The following CABLES1 variants were observed in gnomAD, a reference collection of about 807,000 sequenced individuals.
The protein encoded by CABLES1 is Cdk5 and Abl enzyme substrate 1.
A neutral mutation model predicts 57.8 loss-of-function variants in CABLES1; 36 were observed. The ratio of observed to expected loss-of-function variants is 0.62; its 90% CI spans 0.48 to 0.82. The LOEUF (loss-of-function observed/expected upper bound fraction) is 0.82, where lower values mean the gene tolerates loss of function less well. Among genes scored for constraint, CABLES1 ranks in the 40% least tolerant of loss-of-function variants. CABLES1 has a pLI of 0.00. For missense variants in CABLES1, 767 were observed against 836.6 expected, an observed-to-expected ratio of 0.92 and a Z score of 1.03; for synonymous variants, 374 against 363.0, an observed-to-expected ratio of 1.03 and a Z score of -0.35.
intron 6 of CABLES1, among the ~76,000 whole-genome samples, chr18:23,236,271 C>T (rs931197082): frequency 2.0e-5 from 3 of 152,190 alleles, no homozygotes; most frequent in Non-Finnish European, 4.4e-5. Context: ...TGAGCTTCCA[C>T]GTGGAGAGAC....
At chr18:23,147,902 A>G (rs2046902602) in intron 1 of CABLES1, among the ~76,000 whole-genome samples, 1 of 148,466 alleles carries the variant, frequency 6.7e-6, no homozygotes, top group Non-Finnish European at 1.5e-5. Flanking sequence ...AGACAATTTG[A>G]GAAGACCCAA....
At chr18:23,184,308 C>CGTGTGTGTGTGTGTGTGTGT (rs61158856) in intron 1 of CABLES1, among the ~76,000 whole-genome samples, 5 of 146,326 alleles carry the variant, frequency 3.4e-5, no homozygotes, top group African/African-American at 1.3e-4. Context: ...CATACTGGCA[C>CGTGTGTGTGTGTGTGTGTGT]GTGTGTGTGT....
rs748460412 is a variant in CABLES1 at position 23,136,521 on chromosome 18, C to T, written c.759C>T (p.Ser253=). The part of the protein sequence containing the change: ...FTQGILPIAF[S]RPTSQNYCSL... ...AGGGAATCCTGCCCATCGCCTTCTC[C>T]AGGCCGACTTCGCAGAACTACTGCT... Residue 253 remains serine (S), a synonymous_variant, in exon 1 of 10, where the codon TCC becomes TCT. Coordinates refer to ENST00000256925, the MANE Select transcript of CABLES1 (RefSeq NM_001100619.3). The T allele has an allele frequency of 1.6e-5, 25 of 1,591,572 alleles. No individual in the cohort carries two copies. In the Admixed American group the frequency reaches 1.7e-4, roughly 11 times the overall value.
At chr18:23,147,647 C>T (rs4800452) in intron 1 of CABLES1, among the ~76,000 whole-genome samples, 111,975 of 152,196 alleles carry the variant, frequency 0.74, 41,659 homozygotes, top group South Asian at 0.81. Context: ...CAGAGAGAAA[C>T]AGTACCCCTC....
intron 1 of CABLES1, among the ~76,000 whole-genome samples, chr18:23,174,260 T>C (rs80349711): frequency 0.028 from 4,288 of 152,298 alleles, 106 homozygotes; most frequent in Middle Eastern, 0.095. Context: ...GTTTTCAAGG[T>C]TCATGTTGTA....
At chr18:23,187,660 T>G (rs2047212720) in intron 1 of CABLES1, among the ~76,000 whole-genome samples, 1 of 152,216 alleles carries the variant, frequency 6.6e-6, no homozygotes, top group Non-Finnish European at 1.5e-5. Context: ...GTGCTGGGAT[T>G]ACAGGCGTGA....
rs79799360 is a variant in CABLES1 at position 23,249,219 on chromosome 18, T to C, written c.1447-3741T>C. 9.6e-3 allele frequency among the ~76,000 whole-genome samples: 1,458 copies of C among 152,348 alleles called. 29 individuals are homozygous for C. The highest frequency in any genetic ancestry group is 0.033 in the African/African-American group (1,391 of 41,578). On this transcript the variant is annotated intron_variant, in intron 7 of 9. Coordinates refer to ENST00000256925, the MANE Select transcript of CABLES1 (RefSeq NM_001100619.3). ...GGAGCCAGAATTGTTTTTGGAATCCTAGCTGCAAAGGAGTCAGGGAAGTGT... is the reference window on the plus strand; with the variant it reads ...GGAGCCAGAATTGTTTTTGGAATCCCAGCTGCAAAGGAGTCAGGGAAGTGT...
intron 1 of CABLES1, among the ~76,000 whole-genome samples, chr18:23,148,814 CTT>C (rs1326565144): frequency 4.6e-5 from 7 of 152,174 alleles, no homozygotes; most frequent in Admixed American, 4.6e-4. Flanking sequence ...AACGGGAAGA[CTT>C]TGAATAGGCA....
chr18:23,150,561 C>A (rs910675472), intron 1 of CABLES1, among the ~76,000 whole-genome samples: 1 of 152,136 alleles, frequency 6.6e-6, no homozygotes, highest in Non-Finnish European at 1.5e-5. Context: ...TGTGGACAGC[C>A]TCTGCCCTGT....
At chr18:23,183,318 T>A (rs2047180380) in intron 1 of CABLES1, among the ~76,000 whole-genome samples, 1 of 152,212 alleles carries the variant, frequency 6.6e-6, no homozygotes, top group Non-Finnish European at 1.5e-5. Flanking sequence ...ATTCTAACAG[T>A]ACCCTTGTGA....
rs564949138 is a variant in CABLES1, at chr18:23,258,977, G to T, written c.*1610G>T. On this transcript the variant is annotated 3_prime_UTR_variant, in exon 10 of 10. Transcript: ENST00000256925. ...CAAATTTCCTTGGCCAGAATCAGTT[G>T]TAAGACAGTGATTTGGGTGGTGGGG... 6.9e-6 allele frequency: 1 copy of T among 145,662 alleles called. No individual in the cohort carries two copies. The highest frequency in any genetic ancestry group is 2.6e-5 in the African/African-American group (1 of 38,758). 9.0% of individuals were successfully genotyped at this position (145,662 alleles called of 1,614,324 possible).
intron 1 of CABLES1, among the ~76,000 whole-genome samples, chr18:23,136,809 T>C (rs932029564): frequency 6.6e-6 from 1 of 152,246 alleles, no homozygotes; most frequent in African/African-American, 2.4e-5. Flanking sequence ...TACACGTGTT[T>C]GCACGAGCCC....
rs891316685 is a variant in CABLES1, at chr18:23,259,334, G to T, written c.*1967G>T. 3 of 152,242 alleles carry T rather than the reference G, an allele frequency of 2.0e-5. No homozygotes were observed. The highest frequency in any genetic ancestry group is 4.4e-5 in the Non-Finnish European group (3 of 68,124). The allele number at this position is 152,242 out of a possible 1,614,324, so 9.4% of individuals were successfully genotyped here. ...TGCCAAGCTCTGGGGAGTGGGGTGGGGGGAGGGACGTCCGATGGATGACAG... is the reference window on the plus strand; with the variant it reads ...TGCCAAGCTCTGGGGAGTGGGGTGGTGGGAGGGACGTCCGATGGATGACAG... On this transcript the variant is annotated 3_prime_UTR_variant, in exon 10 of 10. Transcript: ENST00000256925.
chr18:23,256,374 C>T (rs1481560043), intron 9 of CABLES1, among the ~76,000 whole-genome samples: 1 of 152,202 alleles, frequency 6.6e-6, no homozygotes. Flanking sequence ...GGAGACTTCC[C>T]GAGGACTTAG....
At chr18:23,180,867 A>G (rs1329184402) in intron 1 of CABLES1, among the ~76,000 whole-genome samples, 1 of 152,192 alleles carries the variant, frequency 6.6e-6, no homozygotes, top group Non-Finnish European at 1.5e-5. Context: ...TGCAAGAAGC[A>G]GGGGATGGAG....
chr18:23,245,035 G>C (rs2047840070), intron 7 of CABLES1, among the ~76,000 whole-genome samples: 1 of 152,274 alleles, frequency 6.6e-6, no homozygotes, highest in African/African-American at 2.4e-5. Context: ...GACCCTCACT[G>C]TTCTCCAGGA....
At chr18:23,157,498 CAGAG>C (rs1176247135) in intron 1 of CABLES1, among the ~76,000 whole-genome samples, 1 of 152,110 alleles carries the variant, frequency 6.6e-6, no homozygotes, top group Non-Finnish European at 1.5e-5. Context: ...AGCCAAGAAT[CAGAG>C]AGCCAGTGTG....
Position 23,237,191 on chromosome 18 carries a change from C to A in CABLES1, c.1392C>A (p.Asp464Glu). 6.2e-7 allele frequency: 1 copy of A among 1,613,654 alleles called. No homozygotes were observed. Among genetic ancestry groups the A allele is most frequent in the Non-Finnish European group, 8.5e-7 (1 of 1,179,536 alleles). Residue 464 changes from aspartate (D) to glutamate (E), a missense_variant, in exon 7 of 10, where the codon GAC becomes GAA. Coordinates refer to ENST00000256925, the MANE Select transcript of CABLES1 (RefSeq NM_001100619.3). ...ACTATGACCCAAATCTCTTGGATGACCCCCAGTGGCCTTGTGGCAAACACA... is the reference window on the plus strand; with the variant it reads ...ACTATGACCCAAATCTCTTGGATGAACCCCAGTGGCCTTGTGGCAAACACA... ...FMDYDPNLLD[D>E]PQWPCGKHKR...
intron 1 of CABLES1, among the ~76,000 whole-genome samples, chr18:23,138,273 G>C (rs968484084): frequency 1.3e-5 from 2 of 152,086 alleles, no homozygotes; most frequent in Non-Finnish European, 2.9e-5. Flanking sequence ...TTGTGTGTTC[G>C]CATTTCTGAA....
Sources: gnomAD v4.1 joint callset for allele counts (sites outside exome capture counted in the v4.1 genomes callset) on GRCh38, gnomAD v4.1.1 for gene constraint, MANE v1.5 for transcripts, NCBI Gene and HGNC (gene_info 2026-07-23, HGNC 2026-07-21) for gene names.